NEGR1: variants seen among roughly 807,000 people sequenced by gnomAD.
NEGR1 encodes IgLON family member 4.
In NEGR1, 10 loss-of-function variants were observed where a neutral mutation model predicts 40.9. The ratio of observed to expected loss-of-function variants is 0.24; its 90% CI spans 0.15 to 0.42. The LOEUF (loss-of-function observed/expected upper bound fraction) is 0.42. Ranked by LOEUF, NEGR1 falls within the 10% of genes least tolerant of loss-of-function variation. The pLI is 1.00. For synonymous variants in NEGR1, 185 were observed against 166.8 expected (o/e 1.11, Z -0.84); for missense variants, 352 against 438.9 (o/e 0.80, Z 1.77).
chr1:72,194,367 T>C (rs534788884), intron 1 of NEGR1, among the ~76,000 whole-genome samples: 1 of 152,052 alleles, frequency 6.6e-6, no homozygotes, highest in South Asian at 2.1e-4. Flanking sequence ...ATTATATAAA[T>C]ATTTTATTTT....
At chr1:71,411,132 A>G (rs1323541834) in intron 6 of NEGR1, among the ~76,000 whole-genome samples, 1 of 152,196 alleles carries the variant, frequency 6.6e-6, no homozygotes, top group Non-Finnish European at 1.5e-5. Flanking sequence ...TCAGTGCTTC[A>G]CATCCATTTC....
rs190966471 is a variant in NEGR1, at chr1:72,225,214, G to A, written c.176+57105C>T. ...AGAATCAGAGAAGTAACTTATCCTA[G>A]TGAGTAAAAAAATGACAATTTTATT... On this transcript the variant is annotated intron_variant, in intron 1 of 6. Coordinates refer to ENST00000357731, the MANE Select transcript of NEGR1 (RefSeq NM_173808.3). Among the ~76,000 whole-genome samples the A allele has an allele frequency of 3.1e-3, 476 of 151,954 alleles. 3 individuals carry two copies. Among genetic ancestry groups the A allele is most frequent in the South Asian group, 7.3e-3 (35 of 4,820 alleles).
intron 6 of NEGR1, among the ~76,000 whole-genome samples, chr1:71,572,532 A>G (rs906346610): frequency 6.6e-6 from 1 of 152,190 alleles, no homozygotes; most frequent in Non-Finnish European, 1.5e-5. Context: ...CGTGTTGCCA[A>G]TTGCTAGGCA....
At chr1:71,562,254 A>G (rs1438652241) in intron 6 of NEGR1, among the ~76,000 whole-genome samples, 3 of 151,818 alleles carry the variant, frequency 2.0e-5, no homozygotes, top group African/African-American at 7.2e-5. Context: ...CTGCTCTGTT[A>G]CCTATTCTGT....
chr1:71,669,927 G>A (rs570577183), intron 4 of NEGR1, among the ~76,000 whole-genome samples: 65 of 152,244 alleles, frequency 4.3e-4, no homozygotes, highest in African/African-American at 1.5e-3. Flanking sequence ...GATTATAGGC[G>A]TGAGCCACCG....
In NEGR1 at chr1:72,229,363, G is replaced by T. The variant is rs536671815; in HGVS notation, c.176+52956C>A. 2.0e-5 allele frequency among the ~76,000 whole-genome samples: 3 copies of T among 147,902 alleles called. No homozygotes were observed. In the Admixed American group the frequency reaches 2.0e-4, roughly 10 times the overall value. ...TATAATATAATATTTAAGATAGAATGTAATAAAATATAATATTTTGATTTT... is the reference window on the plus strand; with the variant it reads ...TATAATATAATATTTAAGATAGAATTTAATAAAATATAATATTTTGATTTT... On this transcript the variant is annotated intron_variant, in intron 1 of 6. Transcript: ENST00000357731.
intron 6 of NEGR1, among the ~76,000 whole-genome samples, chr1:71,459,805 A>G (rs774264276): frequency 2.0e-4 from 31 of 152,200 alleles, no homozygotes; most frequent in Admixed American, 1.4e-3. Context: ...CTCCGTGCCT[A>G]GAATTCCTTT....
At position 71,421,745 on chromosome 1, in the gene NEGR1, A is replaced by G. The variant is rs149540446; in HGVS notation, c.941-14175T>C. On this transcript the variant is annotated intron_variant, in intron 6 of 6. Coordinates refer to ENST00000357731, the MANE Select transcript of NEGR1 (RefSeq NM_173808.3). ...AAGCAAGCATAAGAAAAGCAACCAT[A>G]CATTCTGATGTATTCTTAGAAACAT... Among the ~76,000 whole-genome samples, 330 of 152,230 alleles carry G rather than the reference A, an allele frequency of 2.2e-3. 1 individual carries two copies. The highest frequency in any genetic ancestry group is 7.6e-3 in the African/African-American group (317 of 41,562).
chr1:71,693,533 A>C (rs1336121566), intron 4 of NEGR1, among the ~76,000 whole-genome samples: 1 of 151,568 alleles, frequency 6.6e-6, no homozygotes, highest in Non-Finnish European at 1.5e-5. Context: ...ACATATATGT[A>C]TATATTTATA....
intron 2 of NEGR1, among the ~76,000 whole-genome samples, chr1:71,905,220 T>C (rs2101867352): frequency 6.6e-6 from 1 of 152,244 alleles, no homozygotes; most frequent in South Asian, 2.1e-4. Context: ...CAAAATAAGC[T>C]AATTTTTTTC....
At chr1:72,253,797 T>C (rs1655178962) in intron 1 of NEGR1, among the ~76,000 whole-genome samples, 2 of 152,184 alleles carry the variant, frequency 1.3e-5, no homozygotes, top group Non-Finnish European at 2.9e-5. Context: ...TTAGCAATAG[T>C]GCATCAATGA....
chr1:71,697,405 T>C (rs1348725117), intron 4 of NEGR1, among the ~76,000 whole-genome samples: 1 of 151,834 alleles, frequency 6.6e-6, no homozygotes, highest in African/African-American at 2.4e-5. Flanking sequence ...TGGAAAATCA[T>C]CTTATATCAG....
chr1:71,456,656 C>T (rs988899290), intron 6 of NEGR1, among the ~76,000 whole-genome samples: 1 of 152,150 alleles, frequency 6.6e-6, no homozygotes, highest in African/African-American at 2.4e-5. Flanking sequence ...TGTAATTACA[C>T]CAACTTCTAT....
chr1:71,545,195 T>C (rs72677123), intron 6 of NEGR1, among the ~76,000 whole-genome samples: 2 of 151,670 alleles, frequency 1.3e-5, no homozygotes, highest in Non-Finnish European at 3.0e-5. Flanking sequence ...CAAGGTCCCA[T>C]GCTGGACCTA....
At chr1:71,980,910 C>T (rs969808672) in intron 1 of NEGR1, among the ~76,000 whole-genome samples, 1 of 152,074 alleles carries the variant, frequency 6.6e-6, no homozygotes, top group Non-Finnish European at 1.5e-5. Context: ...TTCCTCTTTT[C>T]ATTCTTTATC....
intron 6 of NEGR1, among the ~76,000 whole-genome samples, chr1:71,433,676 T>C (rs1646484229): frequency 6.6e-6 from 1 of 152,142 alleles, no homozygotes; most frequent in South Asian, 2.1e-4. Context: ...GAGAACAGTA[T>C]GAGGAAAACA....
At chr1:72,221,906 C>T (rs1478811833) in intron 1 of NEGR1, among the ~76,000 whole-genome samples, 1 of 152,122 alleles carries the variant, frequency 6.6e-6, no homozygotes, top group Non-Finnish European at 1.5e-5. Flanking sequence ...CTTCAGGCTG[C>T]TCCAACATAA....
At chr1:71,996,970 C>T (rs1646510027) in intron 1 of NEGR1, among the ~76,000 whole-genome samples, 1 of 152,006 alleles carries the variant, frequency 6.6e-6, no homozygotes, top group South Asian at 2.1e-4. Flanking sequence ...CTCCACCTCC[C>T]TACTATAATT....
At chr1:72,233,230 T>C (rs1202477292) in intron 1 of NEGR1, among the ~76,000 whole-genome samples, 3 of 152,114 alleles carry the variant, frequency 2.0e-5, no homozygotes, top group Non-Finnish European at 4.4e-5. Context: ...CAGTCTTGAG[T>C]AGGGAGTAGC....
Sources: gnomAD v4.1 joint callset for allele counts (sites outside exome capture counted in the v4.1 genomes callset) on GRCh38, gnomAD v4.1.1 for gene constraint, MANE v1.5 for transcripts, NCBI Gene and HGNC (gene_info 2026-07-23, HGNC 2026-07-21) for gene names.